The following TLL2 variants were observed in gnomAD, a reference collection of about 807,000 sequenced individuals.
TLL2 encodes the protein tolloid-like protein 2.
TLL2 carries 106 observed loss-of-function variants against 123.0 expected under a neutral mutation model. The observed-to-expected ratio is 0.86, with a 90% CI of 0.74 to 1.01. The LOEUF (loss-of-function observed/expected upper bound fraction) is 1.01, where lower values mean the gene tolerates loss of function less well. Among genes scored for constraint, TLL2 ranks in the 50% least tolerant of loss-of-function variants. TLL2 has a pLI of 0.00. For missense variants in TLL2, 1,332 were observed against 1,336.7 expected, an observed-to-expected ratio of 1.00 and a Z score of 0.06; for synonymous variants, 494 against 516.8, an observed-to-expected ratio of 0.96 and a Z score of 0.60.
At chr10:96,390,101 C>T (rs1846272131) in intron 13 of TLL2, among the ~76,000 whole-genome samples, 1 of 152,250 alleles carries the variant, frequency 6.6e-6, no homozygotes, top group East Asian at 1.9e-4. Context: ...AGACTGGAAG[C>T]AGCATTCAGC....
At chr10:96,447,070 G>C (rs1465474343) in intron 2 of TLL2, among the ~76,000 whole-genome samples, 2 of 152,250 alleles carry the variant, frequency 1.3e-5, no homozygotes, top group African/African-American at 4.8e-5. Context: ...TGGTTGGAGA[G>C]GGGCCTCAGG....
chr10:96,476,241 T>TATATATATATATATATATATATATA (rs1554939631), intron 2 of TLL2, among the ~76,000 whole-genome samples: 1 of 72,398 alleles, frequency 1.4e-5, no homozygotes, highest in Non-Finnish European at 2.7e-5. Context: ...TATATATATA[T>TATATATATATATATATATATATATA]TTTATTTTTG....
intron 2 of TLL2, among the ~76,000 whole-genome samples, chr10:96,470,573 A>C (rs759217687): frequency 6.6e-6 from 1 of 152,140 alleles, no homozygotes; most frequent in Non-Finnish European, 1.5e-5. Context: ...TCTCTAGGGG[A>C]GTGATGGAGA....
chr10:96,438,577 T>C (rs747173295), intron 3 of TLL2, among the ~76,000 whole-genome samples: 1 of 152,240 alleles, frequency 6.6e-6, no homozygotes, highest in African/African-American at 2.4e-5. Context: ...GGATCTTCTA[T>C]GTAGACAAAC....
chr10:96,452,141 T>G (rs11188761), intron 2 of TLL2, among the ~76,000 whole-genome samples: 1 of 152,108 alleles, frequency 6.6e-6, no homozygotes, highest in Admixed American at 6.5e-5. Flanking sequence ...ATGGAGGGGA[T>G]GGAAATTAAC....
rs560243106 is a variant in TLL2, at chr10:96,406,623, A to G, written c.1165-1289T>C. Among the ~76,000 whole-genome samples the G allele has an allele frequency of 1.1e-4, 17 of 152,140 alleles. No individual in the cohort carries two copies. The East Asian group carries it at 2.9e-3, about 26-fold the overall frequency. On this transcript the variant is annotated intron_variant, in intron 9 of 20. Coordinates refer to ENST00000357947, the MANE Select transcript of TLL2 (RefSeq NM_012465.4). Reference sequence around the variant, plus strand: ...TTCCCATTCCCTCCCCACCAAATCTAAAGGACTGTTATTTGGCCTTGTGCC... The same window carrying G: ...TTCCCATTCCCTCCCCACCAAATCTGAAGGACTGTTATTTGGCCTTGTGCC...
chr10:96,420,972 G>A lies in TLL2; in HGVS notation c.907C>T (p.Arg303Trp), dbSNP rs142066134. Reference protein sequence around the residue: ...YDFDSIMHYARNTFSRGVFLD... With the variant: ...YDFDSIMHYAWNTFSRGVFLD... ...GATTCCGACCTTGAGAAGGTGTTCCGGGCGTAGTGCATGATGCTGTCAAAG... is the reference window on the plus strand; with the variant it reads ...GATTCCGACCTTGAGAAGGTGTTCCAGGCGTAGTGCATGATGCTGTCAAAG... The change falls in exon 7 of 21, where the codon CGG (arginine) becomes TGG (tryptophan). Residue 303 changes from arginine (R) to tryptophan (W), a missense_variant. Coordinates refer to ENST00000357947, the MANE Select transcript of TLL2 (RefSeq NM_012465.4). 1.5e-4 allele frequency: 246 copies of A among 1,614,008 alleles called. 1 individual carries two copies. The highest frequency in any genetic ancestry group is 1.9e-4 in the Non-Finnish European group (225 of 1,179,918).
At chr10:96,505,464 A>G (rs1339074078) in intron 1 of TLL2, among the ~76,000 whole-genome samples, 2 of 152,246 alleles carry the variant, frequency 1.3e-5, no homozygotes, top group African/African-American at 4.8e-5. Context: ...AATTTTAAAA[A>G]TAGTATTTAC....
At chr10:96,384,946 G>A (rs1433182548) in intron 15 of TLL2, among the ~76,000 whole-genome samples, 179 bp from the exon 16 acceptor site, 1 of 152,228 alleles carries the variant, frequency 6.6e-6, no homozygotes, top group Non-Finnish European at 1.5e-5. Flanking sequence ...GGGACCCCTG[G>A]CTCTCCCACT....
At chr10:96,504,864 C>T (rs1847563906) in intron 1 of TLL2, among the ~76,000 whole-genome samples, 1 of 152,112 alleles carries the variant, frequency 6.6e-6, no homozygotes, top group Non-Finnish European at 1.5e-5. Flanking sequence ...AAAAATTAGC[C>T]AGGCGTGGTG....
At position 96,512,749 on chromosome 10, in the gene TLL2, C is replaced by T. The variant is rs564804164; in HGVS notation, c.175+762G>A. Among the ~76,000 whole-genome samples, 315 of 152,372 alleles carry T rather than the reference C, an allele frequency of 2.1e-3. 1 individual carries two copies. The highest frequency in any genetic ancestry group is 7.2e-3 in the African/African-American group (299 of 41,594). On this transcript the variant is annotated intron_variant, in intron 1 of 20. Transcript: ENST00000357947. ...GCGCTTGGCCCTTCGGAGGCTAACG[C>T]TTCAACGACTCCAGCTCGGAAGCCG...
chr10:96,420,693 C>T (rs977829429), intron 7 of TLL2, among the ~76,000 whole-genome samples: 2 of 152,182 alleles, frequency 1.3e-5, no homozygotes, highest in East Asian at 1.9e-4. Context: ...GCCAACCTCT[C>T]GATAATTTCC....
At chr10:96,421,514 A>AG (rs397845440) in intron 6 of TLL2, among the ~76,000 whole-genome samples, 3 of 151,572 alleles carry the variant, frequency 2.0e-5, no homozygotes, top group Admixed American at 6.6e-5. Context: ...AAATACAAAA[A>AG]TTAGCCGGGC....
intron 2 of TLL2, among the ~76,000 whole-genome samples, chr10:96,476,887 C>CACACACAG: frequency 7.6e-6 from 1 of 132,422 alleles, no homozygotes; most frequent in East Asian, 3.1e-4. Flanking sequence ...CACACACACA[C>CACACACAG]ACACACACAC....
intron 15 of TLL2, 124 bp from the exon 16 acceptor site, chr10:96,384,891 A>C: frequency 2.2e-6 from 2 of 919,364 alleles, no homozygotes; most frequent in Non-Finnish European, 1.5e-6. Context: ...GGGTCCCTTG[A>C]CTCTTGCTAC....
chr10:96,375,793 C>G (rs1321819659), intron 18 of TLL2, among the ~76,000 whole-genome samples: 2 of 152,220 alleles, frequency 1.3e-5, no homozygotes. Flanking sequence ...GGACTTTTCC[C>G]TCTCTGTTCT....
intron 13 of TLL2, among the ~76,000 whole-genome samples, chr10:96,388,492 A>G (rs1253886904): frequency 1.3e-5 from 2 of 152,230 alleles, no homozygotes; most frequent in African/African-American, 4.8e-5. Flanking sequence ...GTTGGTAAAG[A>G]CCTGGAAAGT....
At chr10:96,505,113 T>C (rs1156433143) in intron 1 of TLL2, among the ~76,000 whole-genome samples, 3 of 152,274 alleles carry the variant, frequency 2.0e-5, no homozygotes, top group African/African-American at 4.8e-5. Context: ...CAGTTCTGCA[T>C]GGAGTCTGAT....
chr10:96,489,128 T>G (rs563014919), intron 1 of TLL2, among the ~76,000 whole-genome samples: 1 of 152,324 alleles, frequency 6.6e-6, no homozygotes, highest in South Asian at 2.1e-4. Flanking sequence ...TTTGCCATCC[T>G]TGCCTTCCTC....
Sources: gnomAD v4.1 joint callset for allele counts (sites outside exome capture counted in the v4.1 genomes callset) on GRCh38, gnomAD v4.1.1 for gene constraint, MANE v1.5 for transcripts, NCBI Gene and HGNC (gene_info 2026-07-23, HGNC 2026-07-21) for gene names.